The following IGSF11 variants were observed in gnomAD, a reference collection of about 807,000 sequenced individuals.
IGSF11 encodes the protein immunoglobulin superfamily member 11.
IGSF11 carries 22 observed loss-of-function variants against 41.0 expected under a neutral mutation model. That is an observed-to-expected ratio of 0.54 (90% CI 0.38 to 0.77). The LOEUF is 0.77. Ranked by LOEUF, IGSF11 falls within the 30% of genes least tolerant of loss-of-function variation. The pLI is 0.00. For missense variants in IGSF11, 444 were observed against 530.8 expected, an observed-to-expected ratio of 0.84 and a Z score of 1.61; for synonymous variants, 219 against 201.3, an observed-to-expected ratio of 1.09 and a Z score of -0.74.
At chr3:119,021,655 C>G (rs1159384917) in intron 1 of IGSF11, among the ~76,000 whole-genome samples, 2 of 152,058 alleles carry the variant, frequency 1.3e-5, no homozygotes, top group Non-Finnish European at 1.5e-5. Context: ...TCCTTACCCC[C>G]GACTCTCATT....
chr3:119,134,957 T>C (rs1329276092), intron 1 of IGSF11, among the ~76,000 whole-genome samples: 1 of 152,096 alleles, frequency 6.6e-6, no homozygotes, highest in African/African-American at 2.4e-5. Flanking sequence ...AAACAAGAAA[T>C]GGGGAAATGA....
chr3:118,915,125 C>A, intron 4 of IGSF11, among the ~76,000 whole-genome samples: 1 of 115,278 alleles, frequency 8.7e-6, no homozygotes, highest in Non-Finnish European at 1.7e-5. Flanking sequence ...TCATCAAAGA[C>A]CAAAAGTAGA....
intron 1 of IGSF11, among the ~76,000 whole-genome samples, chr3:119,087,383 CACACACACACACACACACAT>C (rs985319152): frequency 2.7e-5 from 4 of 148,818 alleles, no homozygotes; most frequent in African/African-American, 1.0e-4. Flanking sequence ...TACACACACA[CACACACACACACACACACAT>C]ACACACACAC....
At chr3:119,087,569 G>A (rs893413579) in intron 1 of IGSF11, among the ~76,000 whole-genome samples, 1 of 152,056 alleles carries the variant, frequency 6.6e-6, no homozygotes, top group Non-Finnish European at 1.5e-5. Flanking sequence ...TGGGAGCTAA[G>A]CTATGAGGAC....
intron 1 of IGSF11, among the ~76,000 whole-genome samples, chr3:119,101,353 T>C (rs1369621426): frequency 6.6e-6 from 1 of 151,940 alleles, no homozygotes; most frequent in Non-Finnish European, 1.5e-5. Context: ...CTACTAAAAA[T>C]ACAAAATTAG....
chr3:119,033,674 G>C (rs1940631794), intron 1 of IGSF11, among the ~76,000 whole-genome samples: 1 of 152,010 alleles, frequency 6.6e-6, no homozygotes, highest in African/African-American at 2.4e-5. Flanking sequence ...CACTGAACCC[G>C]CTTTTTAAAT....
intron 1 of IGSF11, among the ~76,000 whole-genome samples, chr3:119,025,955 T>G (rs74896927): frequency 2.0e-5 from 3 of 152,192 alleles, no homozygotes; most frequent in African/African-American, 7.2e-5. Flanking sequence ...ATGAGGTAGA[T>G]CCATGTAACA....
intron 1 of IGSF11, among the ~76,000 whole-genome samples, chr3:119,045,776 C>G (rs1941320753): frequency 6.6e-6 from 1 of 151,860 alleles, no homozygotes; most frequent in Non-Finnish European, 1.5e-5. Context: ...AGTGGTTCTC[C>G]CAGCACGCAG....
chr3:119,037,807 T>A (rs1327574142), upstream of IGSF11, among the ~76,000 whole-genome samples: 2 of 152,212 alleles, frequency 1.3e-5, no homozygotes, highest in African/African-American at 4.8e-5. Flanking sequence ...AAAAATGATG[T>A]AGGGAATTAT....
intron 1 of IGSF11, among the ~76,000 whole-genome samples, chr3:119,048,677 A>G (rs187383209): frequency 2.0e-5 from 3 of 151,958 alleles, no homozygotes; most frequent in African/African-American, 2.4e-5. Flanking sequence ...TACCAAAGCC[A>G]GGCAGAGACA....
chr3:119,069,053 A>T (rs960552757), intron 1 of IGSF11, among the ~76,000 whole-genome samples: 1 of 151,240 alleles, frequency 6.6e-6, no homozygotes, highest in Non-Finnish European at 1.5e-5. Context: ...CAGCCTCCCG[A>T]GTAGCTGGGA....
intron 1 of IGSF11, among the ~76,000 whole-genome samples, chr3:119,023,155 G>A (rs911185673): frequency 6.6e-6 from 1 of 150,976 alleles, no homozygotes; most frequent in African/African-American, 2.4e-5. Flanking sequence ...CCAGCTACTC[G>A]GAAGGCTGAG....
chr3:118,989,438 C>T (rs1935575265), intron 1 of IGSF11, among the ~76,000 whole-genome samples: 1 of 152,136 alleles, frequency 6.6e-6, no homozygotes, highest in Non-Finnish European at 1.5e-5. Flanking sequence ...CTGCAACCTC[C>T]GCCTCGCGGG....
intron 1 of IGSF11, among the ~76,000 whole-genome samples, chr3:119,023,435 G>A (rs1939510610): frequency 6.6e-6 from 1 of 152,020 alleles, no homozygotes; most frequent in Non-Finnish European, 1.5e-5. Context: ...ACAGCATAGT[G>A]CTGCTACAAT....
At chr3:118,997,639 T>C (rs979085779) in intron 1 of IGSF11, among the ~76,000 whole-genome samples, 1 of 144,988 alleles carries the variant, frequency 6.9e-6, no homozygotes, top group Non-Finnish European at 1.5e-5. Flanking sequence ...AGACAGCACA[T>C]CTAGGGTGGT....
upstream of IGSF11, among the ~76,000 whole-genome samples, chr3:119,035,269 T>G (rs1329735586): frequency 6.6e-6 from 1 of 152,240 alleles, no homozygotes; most frequent in African/African-American, 2.4e-5. Context: ...TATATTTGGC[T>G]TTTTCACTTT....
At chr3:118,942,153 G>GT (rs966985071) in intron 1 of IGSF11, among the ~76,000 whole-genome samples, 3 of 152,092 alleles carry the variant, frequency 2.0e-5, no homozygotes, top group Admixed American at 2.0e-4. Flanking sequence ...TTAAAAAAAT[G>GT]TTTTTTTAGA....
At chr3:118,981,052 A>T (rs1934663594) in intron 1 of IGSF11, among the ~76,000 whole-genome samples, 1 of 152,206 alleles carries the variant, frequency 6.6e-6, no homozygotes, top group Non-Finnish European at 1.5e-5. Context: ...ACACTTTGCC[A>T]CTCACCAAGT....
chr3:118,986,000 T>G (rs760383286), intron 1 of IGSF11, among the ~76,000 whole-genome samples: 10 of 152,166 alleles, frequency 6.6e-5, no homozygotes, highest in Non-Finnish European at 1.0e-4. Context: ...GGCTGGCCAT[T>G]AACAGCTTCC....
Sources: allele counts gnomAD v4.1 joint callset (sites outside exome capture counted in the v4.1 genomes callset), GRCh38; gene constraint gnomAD v4.1.1; transcripts MANE v1.5; gene names NCBI Gene and HGNC (gene_info 2026-07-23, HGNC 2026-07-21).